Variants in PTPRD observed in about 807,000 individuals in gnomAD.
PTPRD encodes the protein receptor-type tyrosine-protein phosphatase delta.
Under a neutral mutation model 214.5 loss-of-function variants are expected in PTPRD, and 34 were observed. That is an observed-to-expected ratio of 0.16 (90% CI 0.12 to 0.21). The LOEUF (loss-of-function observed/expected upper bound fraction) is 0.21. Ranked by LOEUF, PTPRD falls within the 10% of genes least tolerant of loss-of-function variation. PTPRD has a pLI of 1.00. For synonymous variants in PTPRD, 1,128 were observed against 845.7 expected (o/e 1.33, Z -5.79); for missense variants, 2,545 against 2,398.7 (o/e 1.06, Z -1.27).
intron 9 of PTPRD, among the ~76,000 whole-genome samples, chr9:9,281,086 T>C (rs1024184157): frequency 6.6e-6 from 1 of 151,280 alleles, no homozygotes; most frequent in African/African-American, 2.4e-5. Context: ...ATACAGATCC[T>C]ACACTGCTCC....
chr9:8,826,210 C>CTCT (rs771292537), intron 11 of PTPRD, among the ~76,000 whole-genome samples: 16,176 of 152,100 alleles, frequency 0.11, 946 homozygotes, highest in African/African-American at 0.14. Context: ...CATCTCTCAT[C>CTCT]CAGACTACCT....
chr9:9,621,527 CT>C (rs1167012808), intron 7 of PTPRD, among the ~76,000 whole-genome samples: 1 of 152,158 alleles, frequency 6.6e-6, no homozygotes, highest in Non-Finnish European at 1.5e-5. Flanking sequence ...ATGAGGCTGC[CT>C]TTGGATGCTC....
intron 9 of PTPRD, among the ~76,000 whole-genome samples, chr9:9,275,184 T>TTA (rs869129585): frequency 3.3e-4 from 7 of 21,434 alleles, no homozygotes; most frequent in Admixed American, 2.3e-3. Context: ...AATATATATG[T>TTA]TATATATATA....
chr9:8,745,065 T>C (rs772317469), intron 11 of PTPRD, among the ~76,000 whole-genome samples: 7 of 152,246 alleles, frequency 4.6e-5, no homozygotes, highest in Non-Finnish European at 8.8e-5. Flanking sequence ...ATTGCACTCA[T>C]CTTTACTGTT....
chr9:10,081,052 A>T (rs933248357), intron 3 of PTPRD, among the ~76,000 whole-genome samples: 2 of 152,098 alleles, frequency 1.3e-5, no homozygotes, highest in Admixed American at 6.6e-5. Flanking sequence ...CTTGTATGGA[A>T]TATCTACTAA....
chr9:8,557,621 TA>T (rs1323827251), intron 14 of PTPRD, among the ~76,000 whole-genome samples: 1 of 148,780 alleles, frequency 6.7e-6, no homozygotes, highest in Non-Finnish European at 1.5e-5. Flanking sequence ...TGGGCACCTG[TA>T]ATCCCAACTA....
intron 1 of PTPRD, 47 bp downstream of exon 1, chr9:10,612,641 T>G (rs2081322840): frequency 6.6e-6 from 1 of 152,154 alleles, no homozygotes; most frequent in African/African-American, 2.4e-5. Flanking sequence ...GAAAGCGCGC[T>G]CGGAAAGCCG....
At chr9:8,727,650 G>A (rs964591905) in intron 12 of PTPRD, among the ~76,000 whole-genome samples, 7 of 150,300 alleles carry the variant, frequency 4.7e-5, no homozygotes. Context: ...TTTTTTGTTT[G>A]TTTGTTTGTT....
chr9:9,078,462 G>A (rs1437203805), intron 10 of PTPRD, among the ~76,000 whole-genome samples: 1 of 152,050 alleles, frequency 6.6e-6, no homozygotes, highest in Non-Finnish European at 1.5e-5. Flanking sequence ...GCTTCGAAAG[G>A]GCTGACCAAG....
At chr9:9,553,272 A>T (rs1253953736) in intron 8 of PTPRD, among the ~76,000 whole-genome samples, 19 of 152,126 alleles carry the variant, frequency 1.2e-4, no homozygotes, top group African/African-American at 4.3e-4. Context: ...CAAAGAAAAC[A>T]TTTAATATTT....
chr9:8,589,663 G>T (rs2093946021), intron 14 of PTPRD, among the ~76,000 whole-genome samples: 1 of 152,126 alleles, frequency 6.6e-6, no homozygotes. Flanking sequence ...CCCAGCAGGG[G>T]TTGTTCCTCT....
intron 11 of PTPRD, among the ~76,000 whole-genome samples, chr9:8,765,882 T>C (rs1420563781): frequency 3.3e-5 from 5 of 152,196 alleles, no homozygotes; most frequent in Non-Finnish European, 5.9e-5. Context: ...CCACAGCTTC[T>C]GGGCCTCATT....
At chr9:8,435,266 C>T (rs1003877421) in intron 35 of PTPRD, among the ~76,000 whole-genome samples, 2 of 152,172 alleles carry the variant, frequency 1.3e-5, no homozygotes, top group Admixed American at 1.3e-4. Context: ...TGTTCTCTTA[C>T]ATGGAGCTTC....
At chr9:10,090,525 A>G (rs2098416390) in intron 3 of PTPRD, among the ~76,000 whole-genome samples, 1 of 151,224 alleles carries the variant, frequency 6.6e-6, no homozygotes, top group Admixed American at 6.6e-5. Context: ...GGTTGATTTT[A>G]GTCAAATATT....
chr9:8,564,207 A>C (rs572129471), intron 14 of PTPRD, among the ~76,000 whole-genome samples: 1 of 152,242 alleles, frequency 6.6e-6, no homozygotes, highest in East Asian at 1.9e-4. Flanking sequence ...TAGCTAATGT[A>C]AGTATTCTAA....
At chr9:9,871,412 T>C (rs2065387273) in intron 5 of PTPRD, among the ~76,000 whole-genome samples, 1 of 152,190 alleles carries the variant, frequency 6.6e-6, no homozygotes, top group African/African-American at 2.4e-5. Context: ...CCATTTTGAA[T>C]ATTTTCTGAT....
chr9:10,534,444 T>G (rs2134905597), intron 2 of PTPRD, among the ~76,000 whole-genome samples: 1 of 152,192 alleles, frequency 6.6e-6, no homozygotes, highest in Non-Finnish European at 1.5e-5. Context: ...ATGATTTTGG[T>G]GTTTGACTTT....
chr9:9,625,221 G>C (rs1165669642), intron 7 of PTPRD, among the ~76,000 whole-genome samples: 3 of 152,164 alleles, frequency 2.0e-5, no homozygotes, highest in Non-Finnish European at 4.4e-5. Flanking sequence ...GTGGGGATAT[G>C]GACAGTACAC....
At chr9:8,516,070 TG>T (rs760289380) in intron 21 of PTPRD, among the ~76,000 whole-genome samples, 3 of 152,192 alleles carry the variant, frequency 2.0e-5, no homozygotes, top group African/African-American at 4.8e-5. Context: ...CAAAGTGGAA[TG>T]TAAGTTCCCA....
Sources: gnomAD v4.1 joint callset for allele counts (sites outside exome capture counted in the v4.1 genomes callset) on GRCh38, gnomAD v4.1.1 for gene constraint, MANE v1.5 for transcripts, NCBI Gene and HGNC (gene_info 2026-07-23, HGNC 2026-07-21) for gene names.